KIF6: variants seen among roughly 807,000 people sequenced by gnomAD.
KIF6 encodes the protein kinesin-like protein KIF6.
Under a neutral mutation model 112.7 loss-of-function variants are expected in KIF6, and 106 were observed. The ratio of observed to expected loss-of-function variants is 0.94; its 90% CI spans 0.80 to 1.11. The LOEUF is 1.11. Ranked by LOEUF, KIF6 falls within the 50% of genes least tolerant of loss-of-function variation. The pLI is 0.00. For missense variants in KIF6, 929 were observed against 964.0 expected (o/e 0.96, Z 0.48); for synonymous variants, 339 against 339.9 (o/e 1.00, Z 0.03).
rs368551945 is a variant in KIF6, at chr6:39,368,936, C to T, written c.1862-6418G>A. Among the ~76,000 whole-genome samples the T allele has an allele frequency of 5.3e-5, 8 of 152,290 alleles. No homozygotes were observed. In the East Asian group the frequency reaches 1.4e-3, roughly 26 times the overall value. ...GGCTCTACCATGGCAGACAAGACAT[C>T]AGAGCCAGGAGGCATTCCAGGTGGT... On this transcript the variant is annotated intron_variant, in intron 16 of 22. Transcript: ENST00000287152.
chr6:39,390,048 A>G (rs7738352), intron 15 of KIF6, among the ~76,000 whole-genome samples: 12,641 of 137,326 alleles, frequency 0.092, 1,331 homozygotes, highest in African/African-American at 0.24. Flanking sequence ...AAAAAAAAAA[A>G]AAAAGGAAAT....
chr6:39,332,596 C>G lies in KIF6; in HGVS notation c.*3936G>C, dbSNP rs1321967603. 2 of 152,202 alleles carry G rather than the reference C, an allele frequency of 1.3e-5. No homozygotes were observed. The highest frequency in any genetic ancestry group is 4.8e-5 in the African/African-American group (2 of 41,446). The allele number at this position is 152,202 out of a possible 1,614,324, so 9.4% of individuals were successfully genotyped here. A position where few individuals can be genotyped will look rare whatever the true frequency, so the allele number is the denominator to read the frequency against. The stretch of plus-strand genomic sequence containing the variant: ...ATGACTGTTTTGGGAGGTTTCTCCA[C>G]TCTGGCTGTTGGAAACATGAACTCT... On this transcript the variant is annotated 3_prime_UTR_variant, in exon 23 of 23. Transcript: ENST00000287152.
intron 13 of KIF6, among the ~76,000 whole-genome samples, chr6:39,474,573 T>C (rs548594162): frequency 7.9e-5 from 12 of 152,226 alleles, no homozygotes; most frequent in South Asian, 2.1e-4. Flanking sequence ...CAGACTCAAA[T>C]ATTTCCATGG....
intron 3 of KIF6, among the ~76,000 whole-genome samples, chr6:39,650,604 T>C (rs1207233396): frequency 6.6e-6 from 1 of 151,926 alleles, no homozygotes; most frequent in African/African-American, 2.4e-5. Flanking sequence ...TGACCAATAT[T>C]TTTCCTATGA....
intron 20 of KIF6, among the ~76,000 whole-genome samples, chr6:39,346,049 G>GCTCTCTCTCTCT (rs1203700665): frequency 0.013 from 378 of 28,986 alleles, 103 homozygotes; most frequent in East Asian, 0.024. Context: ...AAACTACAGT[G>GCTCTCTCTCTCT]CTCTCTCTCT....
intron 13 of KIF6, among the ~76,000 whole-genome samples, chr6:39,455,501 C>T (rs1179060263): frequency 9.2e-5 from 14 of 152,136 alleles, no homozygotes; most frequent in South Asian, 8.3e-4. Flanking sequence ...TCACCAGCAA[C>T]GGAACAAAGC....
chr6:39,686,896 A>G (rs1787900378), intron 3 of KIF6, among the ~76,000 whole-genome samples: 1 of 152,224 alleles, frequency 6.6e-6, no homozygotes, highest in South Asian at 2.1e-4. Context: ...CTACCATTCT[A>G]TGACATTTTA....
intron 2 of KIF6, chr6:39,718,595 A>AAG (rs59881076): frequency 6.6e-6 from 1 of 151,454 alleles, no homozygotes; most frequent in African/African-American, 2.4e-5. Context: ...AAAAAAAAAA[A>AAG]TTAGCTGGAT....
chr6:39,517,157 G>A (rs1777131795), intron 13 of KIF6, among the ~76,000 whole-genome samples: 4 of 152,132 alleles, frequency 2.6e-5, no homozygotes, highest in Admixed American at 2.6e-4. Flanking sequence ...ACACACTAAA[G>A]TAGAATGATT....
chr6:39,514,365 T>C (rs566236281), intron 13 of KIF6, among the ~76,000 whole-genome samples: 17 of 152,338 alleles, frequency 1.1e-4, no homozygotes, highest in Middle Eastern at 3.4e-3. Context: ...TTTACCTCCC[T>C]GGTACCAGCT....
chr6:39,337,206 TC>T (rs1763049977), intron 22 of KIF6, among the ~76,000 whole-genome samples: 1 of 109,120 alleles, frequency 9.2e-6, no homozygotes, highest in African/African-American at 5.9e-5. Flanking sequence ...TTTCTTTCTT[TC>T]TTTCTTTCTT....
intron 5 of KIF6, among the ~76,000 whole-genome samples, chr6:39,625,629 T>A (rs1784052980): frequency 6.6e-6 from 1 of 152,084 alleles, no homozygotes; most frequent in South Asian, 2.1e-4. Context: ...AGGAGTCCCC[T>A]CAAATCCCCA....
intron 13 of KIF6, among the ~76,000 whole-genome samples, chr6:39,489,567 G>A (rs1444863569): frequency 3.3e-5 from 5 of 152,086 alleles, no homozygotes; most frequent in Admixed American, 3.3e-4. Context: ...AGAACAGAAA[G>A]GAGTGACAAC....
intron 3 of KIF6, among the ~76,000 whole-genome samples, chr6:39,661,942 T>C (rs989756830): frequency 2.0e-5 from 3 of 152,192 alleles, no homozygotes; most frequent in Non-Finnish European, 4.4e-5. Context: ...CATCCATGGA[T>C]GGTAAAACTG....
In KIF6 at chr6:39,561,753, A is replaced by C. The variant is rs530947965; in HGVS notation, c.1182-16065T>G. Among the ~76,000 whole-genome samples, 7 of 152,300 alleles carry C rather than the reference A, an allele frequency of 4.6e-5. 1 individual carries two copies. In the South Asian group the frequency reaches 1.5e-3, roughly 32 times the overall value. On this transcript the variant is annotated intron_variant, in intron 10 of 22. Transcript: ENST00000287152. ...TGGAGGCTGAAAGCCCAGCTCAGCC[A>C]AGAAAGTTTTGAAATGTGCCTAGGG...
intron 7 of KIF6, among the ~76,000 whole-genome samples, chr6:39,588,691 T>G (rs993075513): frequency 2.0e-5 from 3 of 152,240 alleles, no homozygotes; most frequent in Middle Eastern, 6.8e-3. Flanking sequence ...TCTCACCCAT[T>G]ATTATTAAGG....
chr6:39,687,400 T>C (rs1165664453), intron 3 of KIF6, among the ~76,000 whole-genome samples: 1 of 152,224 alleles, frequency 6.6e-6, no homozygotes, highest in Non-Finnish European at 1.5e-5. Context: ...TGAGAGTTCA[T>C]ATTTTAAAGA....
intron 3 of KIF6, among the ~76,000 whole-genome samples, chr6:39,665,659 G>A (rs1786422441): frequency 6.6e-6 from 1 of 151,938 alleles, no homozygotes; most frequent in African/African-American, 2.4e-5. Context: ...AGAAGAGCTG[G>A]CCAACTTTCA....
intron 3 of KIF6, among the ~76,000 whole-genome samples, chr6:39,657,645 AAAGT>A (rs1785883245): frequency 6.6e-6 from 1 of 152,220 alleles, no homozygotes; most frequent in Admixed American, 6.5e-5. Flanking sequence ...TCTAAATTTA[AAAGT>A]AAGGTTTTTA....
Sources: allele counts gnomAD v4.1 joint callset (sites outside exome capture counted in the v4.1 genomes callset), GRCh38; gene constraint gnomAD v4.1.1; transcripts MANE v1.5; gene names NCBI Gene and HGNC (gene_info 2026-07-23, HGNC 2026-07-21).